The following MYOF variants were observed in gnomAD, a reference collection of about 807,000 sequenced individuals.
MYOF encodes myoferlin.
In MYOF, 244 loss-of-function variants were observed where a neutral mutation model predicts 284.2. The observed-to-expected ratio is 0.86, with a 90% CI of 0.77 to 0.95. The LOEUF is 0.95. Ranked by LOEUF, MYOF falls within the 40% of genes least tolerant of loss-of-function variation. The pLI is 0.00. For synonymous variants in MYOF, 904 were observed against 919.7 expected (o/e 0.98, Z 0.31); for missense variants, 2,496 against 2,560.6 (o/e 0.97, Z 0.54).
intron 3 of MYOF, among the ~76,000 whole-genome samples, chr10:93,445,241 C>T (rs2056396260): frequency 6.6e-6 from 1 of 152,196 alleles, no homozygotes; most frequent in Admixed American, 6.5e-5. Flanking sequence ...GATGAGCTGA[C>T]TCTAACACAC....
intron 12 of MYOF, 136 bp downstream of exon 12, chr10:93,401,282 T>C: frequency 7.9e-7 from 1 of 1,270,724 alleles, no homozygotes; most frequent in South Asian, 1.5e-5. Flanking sequence ...CCAGAATGAA[T>C]GAAAATAAGC....
intron 19 of MYOF, among the ~76,000 whole-genome samples, chr10:93,385,979 G>T (rs1300665286): frequency 6.6e-6 from 1 of 151,870 alleles, no homozygotes; most frequent in East Asian, 1.9e-4. Context: ...TATTTTCTTG[G>T]GCCTCTTTCT....
rs144224465 is a variant in MYOF at position 93,343,409 on chromosome 10, G to A, written c.4326+447C>T. Among the ~76,000 whole-genome samples, 240 of 152,328 alleles carry A rather than the reference G, an allele frequency of 1.6e-3. 1 individual carries two copies. Among genetic ancestry groups the A allele is most frequent in the South Asian group, 0.011 (53 of 4,828 alleles). On this transcript the variant is annotated intron_variant, in intron 38 of 53. Transcript: ENST00000359263. The stretch of plus-strand genomic sequence containing the variant: ...CTTTATGTAGGGGGAAGAATCTGGC[G>A]TGTTGCATGTTATCTCTGATCTGAA...
chr10:93,354,864 A>ACCTACCTT (rs1844724383), intron 31 of MYOF, among the ~76,000 whole-genome samples: 1 of 152,196 alleles, frequency 6.6e-6, no homozygotes, highest in Non-Finnish European at 1.5e-5. Flanking sequence ...CAATAATAGC[A>ACCTACCTT]CCTACCTTAC....
intron 3 of MYOF, among the ~76,000 whole-genome samples, chr10:93,450,860 C>T (rs934056916): frequency 6.6e-6 from 1 of 152,128 alleles, no homozygotes; most frequent in African/African-American, 2.4e-5. Context: ...TTTTTGGCCC[C>T]TAACCATTTA....
intron 7 of MYOF, among the ~76,000 whole-genome samples, chr10:93,405,167 C>T (rs1847495719): frequency 6.6e-6 from 1 of 152,146 alleles, no homozygotes; most frequent in Admixed American, 6.5e-5. Flanking sequence ...GAGATCATGA[C>T]ACTTCACCCC....
Position 93,359,876 on chromosome 10 carries a change from T to G in MYOF, c.3077A>C (p.Lys1026Thr), listed in dbSNP as rs1246113446. Residue 1026 changes from lysine (K) to threonine (T), a missense_variant, in exon 29 of 54, where the codon AAA (lysine) becomes ACA (threonine). Lys to Thr is a moderately conservative substitution (Grantham distance 78). Coordinates refer to ENST00000359263, the MANE Select transcript of MYOF (RefSeq NM_013451.4). ...HTHRRRRLVR[K>T]RKKDLTQTAS... ...AGTCTGTGTTAAATCTTTCTTGCGT[T>G]TTCGGACCAGCCTTCGCCGTCTATG... is the stretch of plus-strand genomic sequence containing the variant. The G allele has an allele frequency of 1.2e-6, 2 of 1,614,066 alleles. No homozygotes were observed. The highest frequency in any genetic ancestry group is 1.7e-6 in the Non-Finnish European group (2 of 1,180,024).
In MYOF at chr10:93,404,154, T is replaced by C. The variant is rs1319875348; in HGVS notation, c.792+3A>G. Reference sequence around the variant, plus strand: ...CAGTACCTTCCTACTTGCTGACCCTTACCCGGATGCTGATGATCTCATCCA... The same window carrying C: ...CAGTACCTTCCTACTTGCTGACCCTCACCCGGATGCTGATGATCTCATCCA... On this transcript the variant is annotated splice_donor_region_variant and intron_variant, in intron 8 of 53. Coordinates refer to ENST00000359263, the MANE Select transcript of MYOF (RefSeq NM_013451.4). The C allele has an allele frequency of 1.2e-6, 2 of 1,614,090 alleles. No homozygotes were observed. Among genetic ancestry groups the C allele is most frequent in the Non-Finnish European group, 1.7e-6 (2 of 1,180,044 alleles).
chr10:93,457,621 T>C (rs768018230), intron 1 of MYOF, among the ~76,000 whole-genome samples: 10 of 152,228 alleles, frequency 6.6e-5, no homozygotes, highest in Non-Finnish European at 1.2e-4. Context: ...TAAAGTTTCC[T>C]TGTAGCAAAG....
intron 42 of MYOF, 67 bp downstream of exon 42, chr10:93,333,691 A>G: frequency 6.4e-7 from 1 of 1,572,038 alleles, no homozygotes; most frequent in Non-Finnish European, 8.7e-7. Context: ...AAAGAACATG[A>G]CAATTATTGT....
chr10:93,351,774 G>A lies in MYOF; in HGVS notation c.3554C>T (p.Thr1185Met), dbSNP rs762887126. The A allele has an allele frequency of 1.9e-5, 31 of 1,602,780 alleles. 1 individual carries two copies. The highest frequency in any genetic ancestry group is 5.3e-5 in the Admixed American group (3 of 56,198). ...TEIIHSTLNP[T>M]WDQTIIFDEV... is the part of the protein sequence containing the mutation. ...ATCGAATATAATTGTTTGGTCCCAC[G>A]TGGGATTCAGGGTTGAATGGATGAT... Residue 1185 changes from threonine to methionine, a missense_variant, in exon 33 of 54, where the codon ACG becomes ATG. Thr to Met is a moderately conservative substitution (Grantham distance 81). Around this residue, in one of 3 missense-constraint regions of MYOF, gnomAD observed 2,436 missense variants for 2,480.7 expected, o/e 0.98. Coordinates refer to ENST00000359263, the MANE Select transcript of MYOF (RefSeq NM_013451.4).
chr10:93,397,077 A>G (rs549101692), intron 15 of MYOF, 170 bp downstream of exon 15: 8 of 533,254 alleles, frequency 1.5e-5, no homozygotes, highest in Non-Finnish European at 2.6e-5. Context: ...CTTTTTTTGC[A>G]GTAACACTAT....
chr10:93,387,523 G>A (rs993171239), intron 19 of MYOF, among the ~76,000 whole-genome samples: 1 of 152,322 alleles, frequency 6.6e-6, no homozygotes, highest in African/African-American at 2.4e-5. Flanking sequence ...AGCTCTTGGT[G>A]CCAGCAAGAA....
Position 93,460,592 on chromosome 10 carries a change from C to T in MYOF, c.89-3655G>A, listed in dbSNP as rs573294943. 3.2e-3 allele frequency among the ~76,000 whole-genome samples: 489 copies of T among 152,064 alleles called. 3 individuals are homozygous for T. Among genetic ancestry groups the T allele is most frequent in the African/African-American group, 0.011 (462 of 41,478 alleles). ...CAGCCTGGACAACATGGGTGAAACC[C>T]CGTCTCTACTAAAATACAAAAAATA... On this transcript the variant is annotated intron_variant, in intron 1 of 53. Transcript: ENST00000359263.
intron 1 of MYOF, among the ~76,000 whole-genome samples, chr10:93,480,865 CAGAA>C (rs1278739486): frequency 6.6e-6 from 1 of 152,086 alleles, no homozygotes; most frequent in Non-Finnish European, 1.5e-5. Flanking sequence ...AAACGGGAAA[CAGAA>C]AGGCGAAAGG....
At chr10:93,469,272 A>G (rs1460950621) in intron 1 of MYOF, among the ~76,000 whole-genome samples, 1 of 151,760 alleles carries the variant, frequency 6.6e-6, no homozygotes, top group South Asian at 2.1e-4. Flanking sequence ...ATGGTGGTGC[A>G]CTCCTGTAGT....
At position 93,363,978 on chromosome 10, in the gene MYOF, C is replaced by T; in HGVS notation, c.2851G>A (p.Asp951Asn). 6.2e-7 allele frequency: 1 copy of T among 1,614,144 alleles called. No individual in the cohort carries two copies. Among genetic ancestry groups the T allele is most frequent in the Non-Finnish European group, 8.5e-7 (1 of 1,180,006 alleles). Residue 951 changes from aspartate (D) to asparagine (N), a missense_variant, in exon 27 of 54, where the codon GAC becomes AAC. Transcript: ENST00000359263. Reference protein sequence around the residue: ...YPGGDWKPAEDTYTDANGDKA... With the variant: ...YPGGDWKPAENTYTDANGDKA... The stretch of plus-strand genomic sequence containing the variant: ...CCACTCACCGCATCCGTGTAGGTGT[C>T]CTCGGCCGGCTTCCAGTCGCCCCCG...
intron 2 of MYOF, among the ~76,000 whole-genome samples, chr10:93,452,918 C>T (rs2056636203): frequency 6.6e-6 from 1 of 151,856 alleles, no homozygotes; most frequent in African/African-American, 2.4e-5. Flanking sequence ...CTTTCTGAGA[C>T]TCTCATTTTA....
chr10:93,419,395 T>G (rs1848262940), intron 5 of MYOF, among the ~76,000 whole-genome samples: 1 of 151,930 alleles, frequency 6.6e-6, no homozygotes, highest in Admixed American at 6.6e-5. Context: ...ACTCCTGACC[T>G]CAGGTGATCC....
Sources: gnomAD v4.1 joint callset for allele counts (sites outside exome capture counted in the v4.1 genomes callset) on GRCh38, gnomAD v4.1.1 for gene constraint, gnomAD v4.1.1 regional missense constraint, MANE v1.5 for transcripts, NCBI Gene and HGNC (gene_info 2026-07-23, HGNC 2026-07-21) for gene names.